TENM2: variants seen among roughly 807,000 people sequenced by gnomAD.
TENM2 encodes the protein teneurin-2.
In TENM2, 52 loss-of-function variants were observed where a neutral mutation model predicts 245.2. The ratio of observed to expected loss-of-function variants is 0.21; its 90% confidence interval spans 0.17 to 0.27. The LOEUF is 0.27. Ranked by LOEUF, TENM2 falls within the 10% of genes least tolerant of loss-of-function variation. TENM2 has a pLI of 1.00. For missense variants in TENM2, 3,046 were observed against 3,666.8 expected, an observed-to-expected ratio of 0.83 and a Z score of 4.37; for synonymous variants, 1,363 against 1,438.9, an observed-to-expected ratio of 0.95 and a Z score of 1.19.
chr5:167,614,666 T>C (rs1429660727), intron 2 of TENM2, among the ~76,000 whole-genome samples: 3 of 152,126 alleles, frequency 2.0e-5, no homozygotes, highest in African/African-American at 7.2e-5. Flanking sequence ...AGCCTGTGTT[T>C]TTCTGGTTGC....
rs888884239 is a variant in TENM2 at position 167,285,007 on chromosome 5, A to G, written c.170A>G (p.Tyr57Cys). ...TATGACCATGACAGCAGGATGCACT[A>G]TGGAAACCGAGTCACAGACCTCATC... Residue 57 changes from tyrosine (Y) to cysteine (C), a missense_variant, in exon 1 of 29, where the codon TAT becomes TGT. Transcript: ENST00000518659. The G allele has an allele frequency of 2.4e-5, 38 of 1,551,962 alleles. No homozygotes were observed. The Admixed American group carries it at 4.5e-4, about 18-fold the overall frequency.
At chr5:167,083,905 T>C in the TENM2 span, among the ~76,000 whole-genome samples, 3 of 152,170 alleles carry the variant, frequency 2.0e-5, no homozygotes, top group Non-Finnish European at 4.4e-5. Flanking sequence ...AGACTGTGTG[T>C]GTGCATGCAT....
intron 2 of TENM2, among the ~76,000 whole-genome samples, chr5:167,746,566 G>A (rs1761578103): frequency 2.0e-5 from 3 of 152,022 alleles, no homozygotes; most frequent in Admixed American, 6.6e-5. Context: ...TATAATGAGA[G>A]CTTCAATTAT....
chr5:167,595,069 T>A (rs890417289), intron 2 of TENM2, among the ~76,000 whole-genome samples: 1 of 152,174 alleles, frequency 6.6e-6, no homozygotes, highest in African/African-American at 2.4e-5. Flanking sequence ...GGTTCTTCAT[T>A]TGGAGAACAT....
intron 1 of TENM2, among the ~76,000 whole-genome samples, chr5:167,355,505 C>T (rs551025482): frequency 6.6e-6 from 1 of 152,230 alleles, no homozygotes; most frequent in East Asian, 1.9e-4. Context: ...GAAATGAGAG[C>T]ACAGGAATTA....
chr5:167,670,316 C>G (rs765907090), intron 2 of TENM2, among the ~76,000 whole-genome samples: 11 of 152,128 alleles, frequency 7.2e-5, no homozygotes, highest in Non-Finnish European at 1.6e-4. Context: ...GAGATAAGTA[C>G]AAAGGGAGCC....
chr5:167,420,881 C>A (rs1281032340), intron 2 of TENM2, among the ~76,000 whole-genome samples: 1 of 152,122 alleles, frequency 6.6e-6, no homozygotes, highest in African/African-American at 2.4e-5. Flanking sequence ...ATATGTTGCA[C>A]ACACTCAAAA....
intron 3 of TENM2, among the ~76,000 whole-genome samples, chr5:167,926,714 T>TCCC: frequency 7.8e-6 from 1 of 127,494 alleles, no homozygotes; most frequent in South Asian, 2.8e-4. Context: ...AGAGTGAGAT[T>TCCC]CCACCACACA....
At chr5:168,081,347 C>T (rs1277465208) in intron 7 of TENM2, among the ~76,000 whole-genome samples, 8 of 152,104 alleles carry the variant, frequency 5.3e-5, no homozygotes, top group African/African-American at 1.9e-4. Flanking sequence ...GGATGGGTCT[C>T]CTGAATACAG....
At chr5:167,214,139 G>A in the TENM2 span, among the ~76,000 whole-genome samples, 5 of 152,306 alleles carry the variant, frequency 3.3e-5, no homozygotes, top group Middle Eastern at 3.4e-3. Context: ...GCAAAGCTGT[G>A]GTTCTGAAAC....
At chr5:168,209,533 A>C (rs1762627822) in intron 19 of TENM2, among the ~76,000 whole-genome samples, 2 of 152,192 alleles carry the variant, frequency 1.3e-5, no homozygotes, top group Non-Finnish European at 2.9e-5. Flanking sequence ...CCCCAAGTCA[A>C]CTTCTCTTTA....
chr5:167,162,626 AAAAAAAAAAAACAACAAAAAAC>A, the TENM2 span, among the ~76,000 whole-genome samples: 3 of 135,528 alleles, frequency 2.2e-5, no homozygotes, highest in African/African-American at 8.7e-5. Context: ...GACTGTATCT[AAAAAAAAAAAACAACAAAAAAC>A]AAAAAAAAAA....
chr5:167,561,712 C>T (rs1773601779), intron 2 of TENM2, among the ~76,000 whole-genome samples: 1 of 152,166 alleles, frequency 6.6e-6, no homozygotes, highest in African/African-American at 2.4e-5. Flanking sequence ...ATAGATTAAG[C>T]AGACACCAAT....
At chr5:167,196,480 A>G in the TENM2 span, among the ~76,000 whole-genome samples, 47 of 146,928 alleles carry the variant, frequency 3.2e-4, no homozygotes, top group Admixed American at 1.3e-3. Context: ...GTATATATAT[A>G]TGTGTGTATA....
chr5:167,186,685 C>G, the TENM2 span, among the ~76,000 whole-genome samples: 1 of 152,102 alleles, frequency 6.6e-6, no homozygotes, highest in Non-Finnish European at 1.5e-5. Flanking sequence ...GCAATGTGTC[C>G]TATATGGAGA....
At chr5:168,263,451 AGAG>A (rs1768390779), downstream of TENM2, 1 of 152,594 alleles carries the variant, frequency 6.6e-6, no homozygotes, top group African/African-American at 2.4e-5. Context: ...GGGGGATAAA[AGAG>A]GAGGAGTGAG....
chr5:167,442,105 T>C (rs148220679), intron 2 of TENM2, among the ~76,000 whole-genome samples: 2,301 of 152,336 alleles, frequency 0.015, 28 homozygotes, highest in Non-Finnish European at 0.023. Flanking sequence ...CATGAAATCT[T>C]GCATTTGAAA....
chr5:168,036,114 C>T (rs1787640891), intron 5 of TENM2, among the ~76,000 whole-genome samples: 1 of 152,106 alleles, frequency 6.6e-6, no homozygotes, highest in African/African-American at 2.4e-5. Context: ...TTAGGTTAGG[C>T]CTGGCTTGGG....
chr5:168,157,963 CCTAGA>C (rs1310958255), intron 12 of TENM2, among the ~76,000 whole-genome samples: 1 of 152,112 alleles, frequency 6.6e-6, no homozygotes, highest in African/African-American at 2.4e-5. Context: ...CACTCTGTCG[CCTAGA>C]CTAGAGTGCA....
Sources: gnomAD v4.1 joint callset for allele counts (sites outside exome capture counted in the v4.1 genomes callset) on GRCh38, gnomAD v4.1.1 for gene constraint, MANE v1.5 for transcripts, NCBI Gene and HGNC (gene_info 2026-07-23, HGNC 2026-07-21) for gene names.